Variants in KCNIP1 observed in about 807,000 individuals in gnomAD.
KCNIP1 encodes potassium voltage-gated channel interacting protein 1.
KCNIP1 carries 18 observed loss-of-function variants against 33.0 expected under a neutral mutation model. The ratio of observed to expected loss-of-function variants is 0.55; its 90% CI spans 0.38 to 0.81. KCNIP1 has a LOEUF of 0.81. KCNIP1 is among the 30% of genes least tolerant of loss of function. The pLI, the probability that KCNIP1 is intolerant of heterozygous loss-of-function variation, is 0.00. For missense variants in KCNIP1, 238 were observed against 271.6 expected, an observed-to-expected ratio of 0.88 and a Z score of 0.87; for synonymous variants, 93 against 98.3, an observed-to-expected ratio of 0.95 and a Z score of 0.32.
At chr5:170,521,484 C>T (rs1201367728) in intron 1 of KCNIP1, among the ~76,000 whole-genome samples, 2 of 152,188 alleles carry the variant, frequency 1.3e-5, no homozygotes, top group African/African-American at 4.8e-5. Flanking sequence ...CCATTTCAGT[C>T]TTTTGTGTGC....
chr5:170,421,397 C>A (rs7707542), intron 1 of KCNIP1, among the ~76,000 whole-genome samples: 1 of 152,012 alleles, frequency 6.6e-6, no homozygotes, highest in Non-Finnish European at 1.5e-5. Context: ...CAGTAAAAAC[C>A]TTTCTTCTGT....
Position 170,558,576 on chromosome 5 carries a change from G to A in KCNIP1, c.61+53943G>A, listed in dbSNP as rs147042446. Among the ~76,000 whole-genome samples, 374 of 152,280 alleles carry A rather than the reference G, an allele frequency of 2.5e-3. 1 individual carries two copies. The highest frequency in any genetic ancestry group is 7.3e-3 in the African/African-American group (302 of 41,556). On this transcript the variant is annotated intron_variant, in intron 1 of 7. Transcript: ENST00000328939. ...AAGCGCTCTCACAGTGACCCTACTG[G>A]GCTCTCTGGAAGCTGCATCCCAGCA...
At chr5:170,696,016 C>CAAAAAAAA (rs34474795) in intron 1 of KCNIP1, among the ~76,000 whole-genome samples, 1 of 93,964 alleles carries the variant, frequency 1.1e-5, no homozygotes, top group Non-Finnish European at 2.3e-5. Context: ...GACTCTGTCT[C>CAAAAAAAA]AAAAAAAAAA....
At chr5:170,678,157 A>G (rs183859406) in intron 1 of KCNIP1, among the ~76,000 whole-genome samples, 122 of 152,360 alleles carry the variant, frequency 8.0e-4, no homozygotes, top group Non-Finnish European at 1.4e-3. Flanking sequence ...TGGAACTGGG[A>G]TGTGAGAAGA....
At chr5:170,403,364 A>G (rs1487421824) in intron 1 of KCNIP1, among the ~76,000 whole-genome samples, 1 of 152,254 alleles carries the variant, frequency 6.6e-6, no homozygotes, top group Non-Finnish European at 1.5e-5. Flanking sequence ...AGAATTGTGA[A>G]CATGATCTTC....
intron 1 of KCNIP1, among the ~76,000 whole-genome samples, chr5:170,476,620 T>G (rs1756864113): frequency 6.6e-6 from 1 of 152,216 alleles, no homozygotes; most frequent in African/African-American, 2.4e-5. Context: ...AAAGTTACGG[T>G]CTTGGGATAG....
At position 170,685,933 on chromosome 5, in the gene KCNIP1, T is replaced by C. The variant is rs192248960; in HGVS notation, c.62-32825T>C. On this transcript the variant is annotated intron_variant, in intron 1 of 7. Transcript: ENST00000328939. ...AAAATATTCAGCTCATCTGATTTTT[T>C]AATGACATTTCCTTTTTATTTATAT... Among the ~76,000 whole-genome samples the C allele has an allele frequency of 1.3e-3, 193 of 152,378 alleles. 3 individuals are homozygous for C. Among genetic ancestry groups the C allele is most frequent in the African/African-American group, 3.6e-3 (149 of 41,594 alleles).
chr5:170,583,732 C>G (rs780721883), intron 1 of KCNIP1, among the ~76,000 whole-genome samples: 4 of 152,208 alleles, frequency 2.6e-5, no homozygotes, highest in Non-Finnish European at 4.4e-5. Context: ...TGCTGCTGAG[C>G]TGATGGAAAA....
At chr5:170,540,582 A>G (rs1217982740) in intron 1 of KCNIP1, among the ~76,000 whole-genome samples, 1 of 152,160 alleles carries the variant, frequency 6.6e-6, no homozygotes. Flanking sequence ...CCTGACCACA[A>G]TGCTATGAGT....
rs143211356 is a variant in KCNIP1, at chr5:170,426,247, TCACACACACACACA to T, written c.88+72296_88+72309del. On this transcript the variant is annotated intron_variant, in intron 1 of 7. Transcript: ENST00000377360. The stretch of plus-strand genomic sequence containing the variant: ...CTAATGCTTTGTGACTCAAAAGGAA[TCACACACACACACA>T]CACACACACACAAACACACACACAC... Among the ~76,000 whole-genome samples, 8 of 149,272 alleles carry T rather than the reference TCACACACACACACA, an allele frequency of 5.4e-5. No individual in the cohort carries two copies. In the South Asian group the frequency reaches 1.7e-3, roughly 32 times the overall value.
chr5:170,397,267 A>G (rs951276543), intron 1 of KCNIP1, among the ~76,000 whole-genome samples: 1 of 152,232 alleles, frequency 6.6e-6, no homozygotes, highest in Non-Finnish European at 1.5e-5. Context: ...TTTGGCGTAC[A>G]GACCCTTCTG....
At chr5:170,400,295 T>C (rs1754866828) in intron 1 of KCNIP1, among the ~76,000 whole-genome samples, 1 of 152,134 alleles carries the variant, frequency 6.6e-6, no homozygotes, top group African/African-American at 2.4e-5. Flanking sequence ...TCAGGAAACT[T>C]ACAATCACGG....
chr5:170,611,156 GTC>G (rs1372325787), intron 1 of KCNIP1, among the ~76,000 whole-genome samples: 1 of 148,902 alleles, frequency 6.7e-6, no homozygotes, highest in East Asian at 2.0e-4. Context: ...TGCAATTCTA[GTC>G]TCTGATTTTT....
At chr5:170,541,109 A>T (rs1561677114) in intron 1 of KCNIP1, among the ~76,000 whole-genome samples, 1 of 152,144 alleles carries the variant, frequency 6.6e-6, no homozygotes, top group Non-Finnish European at 1.5e-5. Flanking sequence ...TGGCTGTGTG[A>T]CTTTGGACAA....
intron 1 of KCNIP1, among the ~76,000 whole-genome samples, chr5:170,397,800 T>G (rs34837338): frequency 0.37 from 56,829 of 152,034 alleles, 10,773 homozygotes; most frequent in African/African-American, 0.42. Context: ...TCAGGGCACA[T>G]CTTGGTTTTA....
At chr5:170,383,988 C>A in intron 1 of KCNIP1, 1 of 820,160 alleles carries the variant, frequency 1.2e-6, no homozygotes, top group Non-Finnish European at 1.9e-6. Flanking sequence ...CAGCATCCAG[C>A]AATAAAGGCA....
At position 170,603,729 on chromosome 5, in the gene KCNIP1, A is replaced by G. The variant is rs553823599; in HGVS notation, c.61+99096A>G. Among the ~76,000 whole-genome samples, 75 of 152,104 alleles carry G rather than the reference A, an allele frequency of 4.9e-4. 2 individuals carry two copies. In the South Asian group the frequency reaches 0.015, roughly 29 times the overall value. On this transcript the variant is annotated intron_variant, in intron 1 of 7. Transcript: ENST00000328939. Reference sequence around the variant, plus strand: ...AGGTGGGGAGAGAAGAGCCTGCCACACTCTCAGATCACCATGTGGTTGGGC... The same window carrying G: ...AGGTGGGGAGAGAAGAGCCTGCCACGCTCTCAGATCACCATGTGGTTGGGC...
At chr5:170,419,078 G>A (rs1291273159) in intron 1 of KCNIP1, among the ~76,000 whole-genome samples, 1 of 152,230 alleles carries the variant, frequency 6.6e-6, no homozygotes, top group African/African-American at 2.4e-5. Flanking sequence ...CGTGGTTAGT[G>A]AATTTAACAG....
At chr5:170,419,933 G>A (rs566351162) in intron 1 of KCNIP1, among the ~76,000 whole-genome samples, 31 of 152,278 alleles carry the variant, frequency 2.0e-4, no homozygotes, top group Non-Finnish European at 3.7e-4. Context: ...ATTTACCAAA[G>A]GCCATGCTCT....
Sources: gnomAD v4.1 joint callset for allele counts (sites outside exome capture counted in the v4.1 genomes callset) on GRCh38, gnomAD v4.1.1 for gene constraint, MANE v1.5 for transcripts, NCBI Gene and HGNC (gene_info 2026-07-23, HGNC 2026-07-21) for gene names.